The following ARPC2 variants were observed in gnomAD, a reference collection of about 807,000 sequenced individuals.
ARPC2 encodes actin related protein 2/3 complex subunit 2.
A neutral mutation model predicts 38.6 loss-of-function variants in ARPC2; 4 were observed. That is an observed-to-expected ratio of 0.10 (90% confidence interval 0.05 to 0.24). The LOEUF is 0.24. Ranked by LOEUF, ARPC2 falls within the 10% of genes least tolerant of loss-of-function variation. ARPC2 has a pLI of 1.00. For synonymous variants in ARPC2, 125 were observed against 140.8 expected, an observed-to-expected ratio of 0.89 and a Z score of 0.79; for missense variants, 229 against 387.3, an observed-to-expected ratio of 0.59 and a Z score of 3.43.
intron 2 of ARPC2, among the ~76,000 whole-genome samples, chr2:218,224,261 C>G (rs985144285): frequency 6.6e-6 from 1 of 152,058 alleles, no homozygotes; most frequent in Non-Finnish European, 1.5e-5. Context: ...GTTGGTTTTT[C>G]TCAGGTCTTT....
At chr2:218,238,395 T>C (rs1181064398) in intron 5 of ARPC2, among the ~76,000 whole-genome samples, 1 of 152,172 alleles carries the variant, frequency 6.6e-6, no homozygotes, top group East Asian at 1.9e-4. Context: ...TTAACATTAA[T>C]TATATATATT....
intron 4 of ARPC2, among the ~76,000 whole-genome samples, chr2:218,231,575 A>G (rs925364388): frequency 2.6e-5 from 4 of 152,180 alleles, no homozygotes; most frequent in African/African-American, 9.7e-5. Flanking sequence ...GTGGTATATC[A>G]GACACCTGAA....
intron 10 of ARPC2, among the ~76,000 whole-genome samples, chr2:218,251,198 TTTG>T (rs138541970): frequency 0.055 from 8,410 of 151,876 alleles, 779 homozygotes; most frequent in African/African-American, 0.19. Flanking sequence ...GTTGTTTTGT[TTTG>T]TTGTTTTGTT....
In ARPC2 at chr2:218,254,246, T is replaced by G. The variant is rs1249881334; in HGVS notation, c.*331T>G. 6 of 264,432 alleles carry G rather than the reference T, an allele frequency of 2.3e-5. No individual in the cohort carries two copies. Among genetic ancestry groups the G allele is most frequent in the African/African-American group, 1.3e-4 (6 of 44,932 alleles). The allele number at this position is 264,432 out of a possible 1,614,324, so 16.4% of individuals were successfully genotyped here. On this transcript the variant is annotated 3_prime_UTR_variant, in exon 11 of 11. Coordinates refer to ENST00000315717, the MANE Select transcript of ARPC2 (RefSeq NM_152862.3). ...ATATTACTGGTAATGAGTTGCAGGA[T>G]AATGCAGTCATAACTTGTTTTCTCC...
At chr2:218,226,322 T>G (rs771163594) in intron 3 of ARPC2, among the ~76,000 whole-genome samples, 1 of 143,120 alleles carries the variant, frequency 7.0e-6, no homozygotes, top group African/African-American at 2.6e-5. Flanking sequence ...GAAAAGAAAA[T>G]TGTACCTAAA....
At chr2:218,223,206 T>C (rs1343957747) in intron 2 of ARPC2, among the ~76,000 whole-genome samples, 1 of 152,214 alleles carries the variant, frequency 6.6e-6, no homozygotes, top group African/African-American at 2.4e-5. Context: ...TAATTTTAAA[T>C]TGTGCACCAT....
intron 10 of ARPC2, 21 bp downstream of exon 10, chr2:218,249,942 G>A: frequency 1.3e-6 from 2 of 1,573,224 alleles, no homozygotes; most frequent in Non-Finnish European, 1.7e-6. Context: ...CAGCACCCCA[G>A]CGACCACCTT....
intron 2 of ARPC2, among the ~76,000 whole-genome samples, chr2:218,220,537 G>C (rs1404822365): frequency 6.6e-6 from 1 of 151,938 alleles, no homozygotes; most frequent in East Asian, 1.9e-4. Flanking sequence ...ATGAAAGCAT[G>C]AGATGGTCTT....
Position 218,244,008 on chromosome 2 carries a change from G to A in ARPC2, c.550-1412G>A, listed in dbSNP as rs561386750. 1.1e-3 allele frequency among the ~76,000 whole-genome samples: 170 copies of A among 152,168 alleles called. 1 individual carries two copies. The highest frequency in any genetic ancestry group is 3.4e-3 in the African/African-American group (141 of 41,510). ...CTGTTCTGTTTAATTCCTTAATACC[G>A]AAAAGTAAAACCAGTAAAAGTTAAA... On this transcript the variant is annotated intron_variant, in intron 7 of 10. Coordinates refer to ENST00000315717, the MANE Select transcript of ARPC2 (RefSeq NM_152862.3).
chr2:218,228,620 T>C, intron 3 of ARPC2, 118 bp from the exon 4 acceptor site: 1 of 540,652 alleles, frequency 1.8e-6, no homozygotes, highest in East Asian at 3.1e-5. Flanking sequence ...ATAAGTTCCA[T>C]TTTACTTACA....
chr2:218,244,667 C>T lies in ARPC2; in HGVS notation c.550-753C>T, dbSNP rs950063126. On this transcript the variant is annotated intron_variant, in intron 7 of 10. Transcript: ENST00000315717. ...GTTTGTTGGAGATGGTATTAGGAGG[C>T]AGTATTTGAGCAGCAGTAGAAGGGC... Among the ~76,000 whole-genome samples, 46 of 152,174 alleles carry T rather than the reference C, an allele frequency of 3.0e-4. 1 individual carries two copies. Among genetic ancestry groups the T allele is most frequent in the Non-Finnish European group, 7.3e-5 (5 of 68,034 alleles).
At chr2:218,225,587 A>T (rs1689477616) in intron 2 of ARPC2, among the ~76,000 whole-genome samples, 2 of 152,252 alleles carry the variant, frequency 1.3e-5, no homozygotes, top group African/African-American at 4.8e-5. Flanking sequence ...GGCATTGACC[A>T]AAAGATGGCA....
chr2:218,249,607 T>A, intron 9 of ARPC2, 143 bp downstream of exon 9: 1 of 767,172 alleles, frequency 1.3e-6, no homozygotes. Flanking sequence ...GAAACCATGG[T>A]CTTTCTTCAT....
At chr2:218,231,028 G>A (rs1689621681) in intron 4 of ARPC2, among the ~76,000 whole-genome samples, 1 of 152,216 alleles carries the variant, frequency 6.6e-6, no homozygotes, top group Non-Finnish European at 1.5e-5. Context: ...TCAAGTGGGT[G>A]GAGTAAGTAA....
intron 2 of ARPC2, among the ~76,000 whole-genome samples, chr2:218,220,091 A>G (rs1357831736): frequency 2.6e-5 from 4 of 152,280 alleles, no homozygotes; most frequent in South Asian, 2.1e-4. Context: ...CTGAGAGCCT[A>G]TTAGCCAAGT....
At chr2:218,250,595 C>T (rs1390753042) in intron 10 of ARPC2, among the ~76,000 whole-genome samples, 6 of 148,560 alleles carry the variant, frequency 4.0e-5, no homozygotes, top group Non-Finnish European at 8.9e-5. Context: ...GCCCAGGAGG[C>T]AGAGGTCGCA....
intron 4 of ARPC2, chr2:218,229,282 C>T (rs1689576622): frequency 6.5e-6 from 1 of 153,190 alleles, no homozygotes; most frequent in Non-Finnish European, 1.5e-5. Context: ...TTAAAGCTAC[C>T]GTCTTTAAAT....
At chr2:218,222,279 A>G (rs766965455) in intron 2 of ARPC2, among the ~76,000 whole-genome samples, 3 of 152,028 alleles carry the variant, frequency 2.0e-5, no homozygotes, top group Non-Finnish European at 4.4e-5. Flanking sequence ...GAAAAAAGAA[A>G]AAAATGGGGA....
chr2:218,251,207 T>G (rs1690182086), intron 10 of ARPC2, among the ~76,000 whole-genome samples: 1 of 151,598 alleles, frequency 6.6e-6, no homozygotes, highest in South Asian at 2.1e-4. Context: ...TTTTGTTGTT[T>G]TGTTTTTGTT....
Sources: gnomAD v4.1 joint callset for allele counts (sites outside exome capture counted in the v4.1 genomes callset) on GRCh38, gnomAD v4.1.1 for gene constraint, MANE v1.5 for transcripts, NCBI Gene and HGNC (gene_info 2026-07-23, HGNC 2026-07-21) for gene names.